AOC1: variants seen among roughly 807,000 people sequenced by gnomAD.
AOC1 encodes diamine oxidase [copper-containing].
In AOC1, 58 loss-of-function variants were observed where a neutral mutation model predicts 57.1. The observed-to-expected ratio is 1.02, with a 90% CI of 0.82 to 1.26. AOC1 has a LOEUF of 1.26. Ranked by LOEUF, AOC1 falls within the 50% of genes most tolerant of loss-of-function variation. The pLI is 0.00. For synonymous variants in AOC1, 401 were observed against 423.4 expected (o/e 0.95, Z 0.65); for missense variants, 917 against 1,005.3 (o/e 0.91, Z 1.19).
At position 150,861,480 on chromosome 7, in the gene AOC1, A is replaced by G; in HGVS notation, c.*271A>G. On this transcript the variant is annotated 3_prime_UTR_variant, in exon 5 of 5. Coordinates refer to ENST00000360937, the MANE Select transcript of AOC1 (RefSeq NM_001091.4). This position sits in a 1 kb window ranked among gnomAD's most constrained non-coding sequence, Gnocchi z 4.5. ...GCATGTACTTTATTCACACTGGTCTACTGCAGTCCAGAAAAGCCACCATTA... is the reference window on the plus strand; with the variant it reads ...GCATGTACTTTATTCACACTGGTCTGCTGCAGTCCAGAAAAGCCACCATTA... 8.4e-6 allele frequency: 3 copies of G among 358,806 alleles called. No individual in the cohort carries two copies. The highest frequency in any genetic ancestry group is 1.5e-5 in the Non-Finnish European group (3 of 199,532). 22.2% of individuals were successfully genotyped at this position (358,806 alleles called of 1,614,324 possible). A position where few individuals can be genotyped will look rare whatever the true frequency, so the allele number is the denominator to read the frequency against.
Position 150,861,278 on chromosome 7 carries a change from C to T in AOC1, c.*69C>T, listed in dbSNP as rs12539. ...AGCCTCACTGGGGCAGACAATAAACCCTCAGAGCCTCGCTCTGTGTGCTGC... is the reference window on the plus strand; with the variant it reads ...AGCCTCACTGGGGCAGACAATAAACTCTCAGAGCCTCGCTCTGTGTGCTGC... On this transcript the variant is annotated 3_prime_UTR_variant, in exon 5 of 5. Coordinates refer to ENST00000360937, the MANE Select transcript of AOC1 (RefSeq NM_001091.4). This position sits in a 1 kb window ranked among gnomAD's most constrained non-coding sequence, Gnocchi z 4.5. 315,381 of 1,470,584 alleles carry T rather than the reference C, an allele frequency of 0.21. 35,422 individuals carry two copies. The highest frequency in any genetic ancestry group is 0.24 in the African/African-American group (16,809 of 70,800). 91.1% of individuals were successfully genotyped at this position (1,470,584 alleles called of 1,614,324 possible). A position where few individuals can be genotyped will look rare whatever the true frequency, so the allele number is the denominator to read the frequency against.
At chr7:150,853,598 C>A (rs187802078) in intron 1 of AOC1, among the ~76,000 whole-genome samples, 4 of 146,692 alleles carry the variant, frequency 2.7e-5, no homozygotes, top group Middle Eastern at 3.5e-3. Flanking sequence ...GGGAGGCCAA[C>A]GCAGGAGGAT....
chr7:150,853,184 G>A (rs1799669254), intron 1 of AOC1, among the ~76,000 whole-genome samples: 1 of 152,198 alleles, frequency 6.6e-6, no homozygotes, highest in Non-Finnish European at 1.5e-5. Flanking sequence ...TATTCTAATG[G>A]TGGATCCATG....
chr7:150,856,426 C>T lies in AOC1; in HGVS notation c.-16-29C>T. The T allele has an allele frequency of 1.3e-6, 2 of 1,564,048 alleles. No homozygotes were observed. The highest frequency in any genetic ancestry group is 4.5e-5 in the East Asian group (2 of 44,566). On this transcript the variant is annotated intron_variant, in intron 1 of 4. Transcript: ENST00000360937. The surrounding 1 kb of genome is among the most constrained non-coding windows in gnomAD (Gnocchi z 5.2). ...AAGCCCATCTCTGCCCATAAGACAA[C>T]TAAGTTCATCTCCTCTATTGCATTC...
At chr7:150,854,707 A>G (rs1799723197) in intron 1 of AOC1, among the ~76,000 whole-genome samples, 1 of 152,178 alleles carries the variant, frequency 6.6e-6, no homozygotes, top group Admixed American at 6.5e-5. Flanking sequence ...GTGATGTGTA[A>G]ATGCATTTTC....
chr7:150,853,752 G>A (rs1246279091), intron 1 of AOC1, among the ~76,000 whole-genome samples: 8 of 147,936 alleles, frequency 5.4e-5, no homozygotes, highest in Non-Finnish European at 1.0e-4. Flanking sequence ...GCCAGGCCTG[G>A]TGGCTCATGC....
chr7:150,860,828 G>T (rs779848216), intron 4 of AOC1, 115 bp from the exon 5 acceptor site: 25 of 1,441,960 alleles, frequency 1.7e-5, no homozygotes, highest in Non-Finnish European at 2.2e-5. Flanking sequence ...TTAAAAAGGG[G>T]CTGGAGAGGA....
Position 150,857,717 on chromosome 7 carries a change from T to C in AOC1, c.1247T>C (p.Leu416Pro). ...GACCCGGTCCATTATCCCCGAGCCC[T>C]CTGCCTCTTTGAAATGCCCACAGGG... is the stretch of plus-strand genomic sequence containing the variant. Reference protein sequence around the residue: ...ADDPVHYPRALCLFEMPTGVP... With the variant: ...ADDPVHYPRAPCLFEMPTGVP... The change falls in exon 2 of 5, where the codon CTC becomes CCC. Residue 416 changes from leucine to proline, a missense_variant. Leu to Pro is a moderately conservative substitution (Grantham distance 98). Transcript: ENST00000360937. The surrounding 1 kb of genome is among the most constrained non-coding windows in gnomAD (Gnocchi z 6.6). 1 of 1,614,166 alleles carries C rather than the reference T, an allele frequency of 6.2e-7. No homozygotes were observed. The highest frequency in any genetic ancestry group is 8.5e-7 in the Non-Finnish European group (1 of 1,179,994).
intron 1 of AOC1, among the ~76,000 whole-genome samples, chr7:150,855,999 T>G (rs45537334): frequency 6.6e-6 from 1 of 152,134 alleles, no homozygotes; most frequent in South Asian, 2.1e-4. Flanking sequence ...TACCTTTGAA[T>G]TTCTACACTA....
Position 150,858,815 on chromosome 7 carries a change from C to G in AOC1, c.1623C>G (p.Asn541Lys). The G allele has an allele frequency of 6.2e-7, 1 of 1,612,978 alleles. No homozygotes were observed. Among genetic ancestry groups the G allele is most frequent in the Non-Finnish European group, 8.5e-7 (1 of 1,179,016 alleles). Residue 541 changes from asparagine to lysine, a missense_variant, in exon 3 of 5, where the codon AAC becomes AAG. Asn to Lys is a moderately conservative substitution (Grantham distance 94). Transcript: ENST00000360937. ...AGATGAAGCTAGAAAACATCACCAA[C>G]CCCTGGAGCCCAAGACACCGCGTGG... Reference protein sequence around the residue: ...TLQMKLENITNPWSPRHRVVQ... With the variant: ...TLQMKLENITKPWSPRHRVVQ...
chr7:150,857,886 C>T lies in AOC1; in HGVS notation c.1416C>T (p.Asn472=), dbSNP rs1563095407. 3.7e-6 allele frequency: 6 copies of T among 1,613,640 alleles called. No homozygotes were observed. Among genetic ancestry groups the T allele is most frequent in the South Asian group, 2.2e-5 (2 of 91,024 alleles). Residue 472 remains asparagine (N), a synonymous_variant, in exon 2 of 5, where the codon AAC becomes AAT. Transcript: ENST00000360937. This position sits in a 1 kb window ranked among gnomAD's most constrained non-coding sequence, Gnocchi z 6.6. ...TTTGGGACTTTATCTTCTACCCCAA[C>T]GGGGTGATGGAGGCCAAGATGCATG... ...DYIWDFIFYP[N]GVMEAKMHAT...
At chr7:150,854,171 G>C (rs561842442) in intron 1 of AOC1, 2 of 152,220 alleles carry the variant, frequency 1.3e-5, no homozygotes, top group Non-Finnish European at 2.9e-5. Context: ...CAGGTAAGCA[G>C]GGCCTCCGAG....
rs1799875943 is a variant in AOC1, at chr7:150,858,871, C to T, written c.1679C>T (p.Ser560Phe). 12 of 1,613,972 alleles carry T rather than the reference C, an allele frequency of 7.4e-6. 1 individual carries two copies. The highest frequency in any genetic ancestry group is 1.0e-5 in the Non-Finnish European group (12 of 1,179,884). Reference protein sequence around the residue: ...VQPTLEQTQYSWERQAAFRFK... With the variant: ...VQPTLEQTQYFWERQAAFRFK... ...CCAACTCTGGAGCAGACGCAGTACT[C>T]CTGGGAGCGCCAGGCGGCCTTCCGC... Residue 560 changes from serine (S) to phenylalanine (F), a missense_variant, in exon 3 of 5, where the codon TCC becomes TTC. Coordinates refer to ENST00000360937, the MANE Select transcript of AOC1 (RefSeq NM_001091.4).
chr7:150,861,435 C>T lies in AOC1; in HGVS notation c.*226C>T, dbSNP rs1563101899. The T allele has an allele frequency of 4.1e-6, 2 of 488,786 alleles. No homozygotes were observed. The highest frequency in any genetic ancestry group is 3.8e-5 in the African/African-American group (2 of 52,670). The allele number at this position is 488,786 out of a possible 1,614,324, so 30.3% of individuals were successfully genotyped here. ...ACACACACAGACGTGCACGCACTCA[C>T]ACGGACATGCACACACATGGCATGT... is the stretch of plus-strand genomic sequence containing the variant. On this transcript the variant is annotated 3_prime_UTR_variant, in exon 5 of 5. Transcript: ENST00000360937. The surrounding 1 kb of genome is among the most constrained non-coding windows in gnomAD (Gnocchi z 4.5).
chr7:150,856,493 T>C lies in AOC1; in HGVS notation c.23T>C (p.Val8Ala). 6.2e-7 allele frequency: 1 copy of C among 1,613,634 alleles called. No individual in the cohort carries two copies. Among genetic ancestry groups the C allele is most frequent in the African/African-American group, 1.3e-5 (1 of 74,994 alleles). MPALGWAVAAILMLQTAM... is the reference protein window; with the variant it reads MPALGWAAAAILMLQTAM... The stretch of plus-strand genomic sequence containing the variant: ...GAGATGCCGGCCCTGGGCTGGGCCG[T>C]GGCTGCCATCCTGATGCTGCAGACG... The change falls in exon 2 of 5, where the codon GTG (valine) becomes GCG (alanine). Residue 8 changes from valine (V) to alanine (A), a missense_variant. By Grantham distance (64) the Val-to-Ala change is moderately conservative. Transcript: ENST00000360937. This position sits in a 1 kb window ranked among gnomAD's most constrained non-coding sequence, Gnocchi z 5.2.
rs1480995514 is a variant in AOC1 at position 150,858,021 on chromosome 7, C to T, written c.1551C>T (p.Arg517=). The change falls in exon 2 of 5, where the codon CGC becomes CGT. Residue 517 remains arginine, a synonymous_variant. Coordinates refer to ENST00000360937, the MANE Select transcript of AOC1 (RefSeq NM_001091.4). The part of the protein sequence containing the change: ...GNIHTHLVHY[R]VDLDVAGTKN... The stretch of plus-strand genomic sequence containing the variant: ...TACACACTCACTTGGTGCACTACCG[C>T]GTAGACCTGGATGTGGCAGGTAGGA... The T allele has an allele frequency of 7.9e-6, 12 of 1,527,834 alleles. No individual in the cohort carries two copies. The highest frequency in any genetic ancestry group is 1.7e-4 in the Middle Eastern group (1 of 5,720). 94.6% of individuals were successfully genotyped at this position (1,527,834 alleles called of 1,614,324 possible).
chr7:150,857,680 T>C lies in AOC1; in HGVS notation c.1210T>C (p.Tyr404His), dbSNP rs1221862345. ...TATFLDTFHY[Y>H]DADDPVHYPR... ...CACCTTCCTGGACACTTTCCACTAC[T>C]ATGATGCCGATGACCCGGTCCATTA... The change falls in exon 2 of 5, where the codon TAT becomes CAT. Residue 404 changes from tyrosine (Y) to histidine (H), a missense_variant. Physicochemically the swap from Tyr to His is moderately conservative, Grantham distance 83 (BLOSUM62 2). Transcript: ENST00000360937. The surrounding 1 kb of genome is among the most constrained non-coding windows in gnomAD (Gnocchi z 6.6). 1.9e-6 allele frequency: 3 copies of C among 1,614,132 alleles called. No homozygotes were observed. Among genetic ancestry groups the C allele is most frequent in the Non-Finnish European group, 2.5e-6 (3 of 1,179,988 alleles).
Position 150,861,279 on chromosome 7 carries a change from C to T in AOC1, c.*70C>T. 6.8e-7 allele frequency: 1 copy of T among 1,467,432 alleles called. No homozygotes were observed. Among genetic ancestry groups the T allele is most frequent in the Non-Finnish European group, 9.1e-7 (1 of 1,097,354 alleles). 90.9% of individuals were successfully genotyped at this position (1,467,432 alleles called of 1,614,324 possible). A position where few individuals can be genotyped will look rare whatever the true frequency, so the allele number is the denominator to read the frequency against. ...GCCTCACTGGGGCAGACAATAAACC[C>T]TCAGAGCCTCGCTCTGTGTGCTGCT... is the stretch of plus-strand genomic sequence containing the variant. On this transcript the variant is annotated 3_prime_UTR_variant, in exon 5 of 5. Transcript: ENST00000360937. The surrounding 1 kb of genome is among the most constrained non-coding windows in gnomAD (Gnocchi z 4.5).
Position 150,858,821 on chromosome 7 carries a change from G to A in AOC1, c.1629G>A (p.Trp543Ter), listed in dbSNP as rs917061752. ...AGCTAGAAAACATCACCAACCCCTG[G>A]AGCCCAAGACACCGCGTGGTCCAGC... is the stretch of plus-strand genomic sequence containing the variant. ...QMKLENITNP[W>*]SPRHRVVQPT... The change falls in exon 3 of 5, where the codon TGG (tryptophan) becomes TGA (stop). Residue 543 changes from tryptophan to a stop codon, truncating the protein, a stop_gained. Transcript: ENST00000360937. LOFTEE classifies it high-confidence loss of function. 9 of 1,613,106 alleles carry A rather than the reference G, an allele frequency of 5.6e-6. No homozygotes were observed. Among genetic ancestry groups the A allele is most frequent in the African/African-American group, 1.3e-5 (1 of 74,892 alleles).
Sources: allele counts gnomAD v4.1 joint callset (sites outside exome capture counted in the v4.1 genomes callset), GRCh38; gene constraint gnomAD v4.1.1; non-coding constraint Gnocchi (gnomAD v3.1); transcripts MANE v1.5; gene names NCBI Gene and HGNC (gene_info 2026-07-23, HGNC 2026-07-21).